DEF6: variants seen among roughly 807,000 people sequenced by gnomAD.
DEF6 encodes differentially expressed in FDCP 6 homolog.
A neutral mutation model predicts 80.5 loss-of-function variants in DEF6; 32 were observed. The ratio of observed to expected loss-of-function variants is 0.40; its 90% confidence interval spans 0.30 to 0.53. DEF6 has a LOEUF of 0.53. DEF6 is among the 20% of genes least tolerant of loss of function. The pLI, the probability that DEF6 is intolerant of heterozygous loss-of-function variation, is 0.57. For missense variants in DEF6, 575 were observed against 818.7 expected, an observed-to-expected ratio of 0.70 and a Z score of 3.63; for synonymous variants, 300 against 337.9, an observed-to-expected ratio of 0.89 and a Z score of 1.23.
At chr6:35,305,213 T>C (rs1791373189) in intron 1 of DEF6, among the ~76,000 whole-genome samples, 2 of 149,512 alleles carry the variant, frequency 1.3e-5, no homozygotes, top group Non-Finnish European at 3.0e-5. Context: ...TGGCACGATC[T>C]CAGCTCACTG....
At chr6:35,309,860 G>A (rs1162234261) in intron 2 of DEF6, 50 bp downstream of exon 2, 43 of 1,603,476 alleles carry the variant, frequency 2.7e-5, no homozygotes, top group Non-Finnish European at 3.7e-5. Flanking sequence ...CACTTTTCCA[G>A]CCTGGCCAGC....
At chr6:35,304,975 G>A (rs1178091954) in intron 1 of DEF6, among the ~76,000 whole-genome samples, 1 of 148,432 alleles carries the variant, frequency 6.7e-6, no homozygotes, top group Admixed American at 6.6e-5. Flanking sequence ...TCGGGGCTGC[G>A]CTGTGGTAGC....
At chr6:35,307,322 C>T (rs1791406242) in intron 1 of DEF6, among the ~76,000 whole-genome samples, 5 of 152,258 alleles carry the variant, frequency 3.3e-5, no homozygotes, top group Admixed American at 3.3e-4. Context: ...TCACGTGAAC[C>T]TGGGAGGCGG....
At chr6:35,304,369 T>G (rs1791364697) in intron 1 of DEF6, among the ~76,000 whole-genome samples, 2 of 152,140 alleles carry the variant, frequency 1.3e-5, no homozygotes, top group African/African-American at 2.4e-5. Context: ...GGAATATATA[T>G]TCCCTGAGAA....
rs373112176 is a variant in DEF6 at position 35,321,298 on chromosome 6, C to G, written c.1784C>G (p.Thr595Ser). Residue 595 changes from threonine (T) to serine (S), a missense_variant, in exon 11 of 11, where the codon ACC (threonine) becomes AGC (serine). Transcript: ENST00000316637. ...LTRWGSQGNR[T>S]PSPNSNEQQK... ...CGCTGGGGATCCCAGGGCAACAGGACCCCCTCGCCCAACAGCAATGAGCAG... is the reference window on the plus strand; with the variant it reads ...CGCTGGGGATCCCAGGGCAACAGGAGCCCCTCGCCCAACAGCAATGAGCAG... 2.0e-5 allele frequency: 32 copies of G among 1,613,980 alleles called. No homozygotes were observed. The East Asian group carries it at 2.0e-4, about 10-fold the overall frequency.
intron 2 of DEF6, 58 bp from the exon 3 acceptor site, chr6:35,310,401 C>A: frequency 6.3e-7 from 1 of 1,587,570 alleles, no homozygotes. Flanking sequence ...CCAGCTGGAG[C>A]CTAGTGTCGT....
At chr6:35,321,132 T>G in intron 10 of DEF6, 55 bp from the exon 11 acceptor site, 4 of 1,592,512 alleles carry the variant, frequency 2.5e-6, no homozygotes, top group Non-Finnish European at 3.4e-6. Flanking sequence ...GCAAGGCCCC[T>G]CGCCTCTCAC....
chr6:35,319,493 G>A lies in DEF6; in HGVS notation c.1216-31G>A. The A allele has an allele frequency of 6.3e-7, 1 of 1,582,322 alleles. No homozygotes were observed. Reference sequence around the variant, plus strand: ...GCCCCCACGTGCCCCTTTTGACCTGGCTCTTGGTCCACCACCTCCCCCCTC... The same window carrying A: ...GCCCCCACGTGCCCCTTTTGACCTGACTCTTGGTCCACCACCTCCCCCCTC... On this transcript the variant is annotated intron_variant, in intron 7 of 10. Coordinates refer to ENST00000316637, the MANE Select transcript of DEF6 (RefSeq NM_022047.4). This position sits in a 1 kb window ranked among gnomAD's most constrained non-coding sequence, Gnocchi z 4.5.
chr6:35,319,821 T>C lies in DEF6; in HGVS notation c.1385T>C (p.Leu462Pro). Residue 462 changes from leucine to proline, a missense_variant and splice_region_variant, in exon 9 of 11, where the codon CTG becomes CCG. Leu to Pro is a moderately conservative substitution (Grantham distance 98, BLOSUM62 -3). Transcript: ENST00000316637. This position sits in a 1 kb window ranked among gnomAD's most constrained non-coding sequence, Gnocchi z 4.5. ...CACAGTACACACTCACCCGGCAGAC[T>C]GCTGGAAGAGGAGGAAGAGAAGCTG... is the stretch of plus-strand genomic sequence containing the variant. The part of the protein sequence containing the change: ...EESVRIAQTR[L>P]LEEEEEKLKQ... The C allele has an allele frequency of 1.3e-6, 2 of 1,598,530 alleles. No homozygotes were observed. The highest frequency in any genetic ancestry group is 1.7e-6 in the Non-Finnish European group (2 of 1,172,364).
At chr6:35,320,807 C>T in intron 9 of DEF6, 77 bp from the exon 10 acceptor site, 2 of 1,337,570 alleles carry the variant, frequency 1.5e-6, no homozygotes, top group South Asian at 2.5e-5. Flanking sequence ...TTTAAGCAGC[C>T]TGCGAACCTG....
At chr6:35,299,700 A>T (rs1278927260) in intron 1 of DEF6, among the ~76,000 whole-genome samples, 1 of 152,162 alleles carries the variant, frequency 6.6e-6, no homozygotes, top group Non-Finnish European at 1.5e-5. Context: ...ATCTCTGGTC[A>T]CACAGGATCA....
intron 3 of DEF6, among the ~76,000 whole-genome samples, chr6:35,311,971 G>A (rs530185417): frequency 1.3e-5 from 2 of 152,290 alleles, no homozygotes; most frequent in Non-Finnish European, 2.9e-5. Context: ...GATTGGATGA[G>A]AGGGCCTTTG....
At position 35,309,663 on chromosome 6, in the gene DEF6, AT is replaced by A; in HGVS notation, c.97-6del. On this transcript the variant is annotated splice_region_variant and splice_polypyrimidine_tract_variant and intron_variant, in intron 1 of 10. Transcript: ENST00000316637. ...GAAAGACACACTGCCACTCTACTCT[AT>A]CCCAGGTGCTGTCCCACAACCTGTA... 1 of 1,613,494 alleles carries A rather than the reference AT, an allele frequency of 6.2e-7. No individual in the cohort carries two copies. Among genetic ancestry groups the A allele is most frequent in the Non-Finnish European group, 8.5e-7 (1 of 1,179,728 alleles).
chr6:35,320,124 G>T, intron 9 of DEF6, 107 bp downstream of exon 9: 2 of 1,157,134 alleles, frequency 1.7e-6, no homozygotes, highest in Non-Finnish European at 2.4e-6. Flanking sequence ...AGCAGCTGCT[G>T]GCTGTGTGAC....
At chr6:35,310,903 C>G (rs1330691414) in intron 3 of DEF6, among the ~76,000 whole-genome samples, 1 of 152,220 alleles carries the variant, frequency 6.6e-6, no homozygotes, top group Non-Finnish European at 1.5e-5. Flanking sequence ...GGAAAATGAT[C>G]TGCAAATTCT....
At chr6:35,314,427 A>C (rs981154968) in intron 5 of DEF6, among the ~76,000 whole-genome samples, 2 of 140,918 alleles carry the variant, frequency 1.4e-5, no homozygotes, top group Admixed American at 7.1e-5. Context: ...AAAAAAAAAA[A>C]GATGTTCTCT....
At position 35,297,866 on chromosome 6, in the gene DEF6, C is replaced by T. The variant is rs760852332; in HGVS notation, c.10C>T (p.Arg4Cys). MAL[R>C]KELLKSIWYA... is the part of the protein sequence containing the mutation. Reference sequence around the variant, plus strand: ...GGCGGGCGCCTCAGCCATGGCCCTGCGCAAGGAACTGCTCAAGTCCATCTG... The same window carrying T: ...GGCGGGCGCCTCAGCCATGGCCCTGTGCAAGGAACTGCTCAAGTCCATCTG... Residue 4 changes from arginine (R) to cysteine (C), a missense_variant, in exon 1 of 11, where the codon CGC (arginine) becomes TGC (cysteine). Transcript: ENST00000316637. 1.3e-5 allele frequency: 21 copies of T among 1,601,518 alleles called. No individual in the cohort carries two copies. Among genetic ancestry groups the T allele is most frequent in the Non-Finnish European group, 1.7e-5 (20 of 1,175,070 alleles).
intron 5 of DEF6, among the ~76,000 whole-genome samples, chr6:35,315,409 C>A (rs1376080949): frequency 6.6e-6 from 1 of 152,028 alleles, no homozygotes; most frequent in Non-Finnish European, 1.5e-5. Context: ...GTTCTTTTTA[C>A]TCAGGCTTAC....
At chr6:35,317,741 T>G in intron 5 of DEF6, 150 bp from the exon 6 acceptor site, 1 of 605,728 alleles carries the variant, frequency 1.7e-6, no homozygotes, top group Non-Finnish European at 2.8e-6. Context: ...CCCCATAACT[T>G]ATGATGCAAG....
Sources: allele counts gnomAD v4.1 joint callset (sites outside exome capture counted in the v4.1 genomes callset), GRCh38; gene constraint gnomAD v4.1.1; non-coding constraint Gnocchi (gnomAD v3.1); transcripts MANE v1.5; gene names NCBI Gene and HGNC (gene_info 2026-07-23, HGNC 2026-07-21).